The following NOTCH2 variants were observed in gnomAD, a reference collection of about 807,000 sequenced individuals.
NOTCH2 encodes notch receptor 2, also known as neurogenic locus notch homolog protein 2.
NOTCH2 carries 29 observed loss-of-function variants against 235.8 expected under a neutral mutation model. The ratio of observed to expected loss-of-function variants is 0.12; its 90% confidence interval spans 0.09 to 0.17. The LOEUF (loss-of-function observed/expected upper bound fraction) is 0.17, where lower values mean the gene tolerates loss of function less well. Ranked by LOEUF, NOTCH2 falls within the 10% of genes least tolerant of loss-of-function variation. The pLI is 1.00. For synonymous variants in NOTCH2, 1,086 were observed against 1,141.5 expected (o/e 0.95, Z 0.98); for missense variants, 2,285 against 3,150.2 (o/e 0.73, Z 6.57).
In NOTCH2 at chr1:119,959,500, C is replaced by A. The variant is rs782463006; in HGVS notation, c.1918G>T (p.Val640Phe). The A allele has an allele frequency of 6.4e-6, 10 of 1,554,208 alleles. No individual in the cohort carries two copies. Among genetic ancestry groups the A allele is most frequent in the Admixed American group, 1.7e-5 (1 of 59,922 alleles). The change falls in exon 12 of 34, where the codon GTT becomes TTT. Residue 640 changes from valine (V) to phenylalanine (F), a missense_variant and splice_region_variant. Val to Phe is a conservative substitution (Grantham distance 50). Coordinates refer to ENST00000256646, the MANE Select transcript of NOTCH2 (RefSeq NM_024408.4). ...QCNCQPGTSG[V>F]NCEINFDDCA... ...TCATCAAAATTAATTTCACAATTAACCCCTGGAAGAGAAAACCCAACGGAA... is the reference window on the plus strand; with the variant it reads ...TCATCAAAATTAATTTCACAATTAAACCCTGGAAGAGAAAACCCAACGGAA...
chr1:119,919,005 C>T (rs181364069), intron 31 of NOTCH2, among the ~76,000 whole-genome samples: 71 of 152,262 alleles, frequency 4.7e-4, no homozygotes, highest in African/African-American at 1.6e-3. Context: ...TCAAAGGCTC[C>T]GGACCAGCTA....
intron 6 of NOTCH2, 39 bp from the exon 7 acceptor site, chr1:119,968,271 GTC>G (rs1557826192): frequency 1.9e-6 from 3 of 1,604,332 alleles, no homozygotes; most frequent in Non-Finnish European, 2.6e-6. Context: ...AAGAGAAAAT[GTC>G]TCTCACTTGG....
At chr1:120,060,472 A>AT (rs1655275974) in intron 1 of NOTCH2, among the ~76,000 whole-genome samples, 3,760 of 144,148 alleles carry the variant, frequency 0.026, 33 homozygotes, top group African/African-American at 0.091. Context: ...TATATATATA[A>AT]AAATAAATCA....
In NOTCH2 at chr1:119,912,341, T is replaced by C. The variant is rs1571142846; in HGVS notation, c.*2965A>G. ...TCCCAAATAGTCATCATACATTCAATGTATTGGTTAGGGCCAAAATCCCTA... is the reference window on the plus strand; with the variant it reads ...TCCCAAATAGTCATCATACATTCAACGTATTGGTTAGGGCCAAAATCCCTA... On this transcript the variant is annotated 3_prime_UTR_variant, in exon 34 of 34. Coordinates refer to ENST00000256646, the MANE Select transcript of NOTCH2 (RefSeq NM_024408.4). The C allele has an allele frequency of 1.7e-5, 4 of 233,338 alleles. No individual in the cohort carries two copies. In the East Asian group the frequency reaches 2.4e-4, roughly 14 times the overall value. The allele number at this position is 233,338 out of a possible 1,614,324, so 14.5% of individuals were successfully genotyped here.
chr1:119,926,105 G>T (rs1319019720), intron 24 of NOTCH2, among the ~76,000 whole-genome samples: 1 of 152,194 alleles, frequency 6.6e-6, no homozygotes, highest in Non-Finnish European at 1.5e-5. Context: ...GCTAAAGAAT[G>T]TAAGAGCAGC....
chr1:119,918,205 A>G (rs1401991253), intron 32 of NOTCH2, among the ~76,000 whole-genome samples: 1 of 152,146 alleles, frequency 6.6e-6, no homozygotes, highest in Non-Finnish European at 1.5e-5. Flanking sequence ...CCTCATTAAA[A>G]ATCCCTCATT....
At chr1:119,959,720 C>T (rs587732762) in intron 11 of NOTCH2, among the ~76,000 whole-genome samples, 1 of 152,302 alleles carries the variant, frequency 6.6e-6, no homozygotes, top group East Asian at 1.9e-4. Context: ...ATGATCTTTC[C>T]TTTTCACTGT....
Position 119,968,074 on chromosome 1 carries a change from C to T in NOTCH2, c.1264+3G>A, listed in dbSNP as rs782341192. ...CAGAACAGAAAAAGTTCTGCTTACT[C>T]ACCCATGGCACATTCATCCACATCT... On this transcript the variant is annotated splice_donor_region_variant and intron_variant, in intron 7 of 33. Coordinates refer to ENST00000256646, the MANE Select transcript of NOTCH2 (RefSeq NM_024408.4). 2.5e-6 allele frequency: 4 copies of T among 1,614,046 alleles called. No homozygotes were observed. In the Admixed American group the frequency reaches 5.0e-5, roughly 20 times the overall value.
intron 26 of NOTCH2, 23 bp from the exon 27 acceptor site, chr1:119,922,801 CG>C (rs1557805258): frequency 6.2e-7 from 1 of 1,613,730 alleles, no homozygotes; most frequent in South Asian, 1.1e-5. Flanking sequence ...AAGGGAGAAG[CG>C]GAGGAGGAGA....
Position 119,969,725 on chromosome 1 carries a change from A to G in NOTCH2, c.894T>C (p.Asp298=). Residue 298 remains aspartate, a synonymous_variant, in exon 6 of 34, where the codon GAT becomes GAC. Transcript: ENST00000256646. ...PQWTGQFCTE[D]VDECLLQPNA... ...TGGGCTGCAGCAGGCATTCATCCAC[A>G]TCCTCTGTGCAGAACTGTCCTTTTA... The G allele has an allele frequency of 6.2e-7, 1 of 1,614,042 alleles. No homozygotes were observed. The highest frequency in any genetic ancestry group is 1.1e-5 in the South Asian group (1 of 91,082).
At chr1:119,928,908 A>C in intron 23 of NOTCH2, 68 bp downstream of exon 23, 895 of 1,123,740 alleles carry the variant, frequency 8.0e-4, no homozygotes, top group Non-Finnish European at 1.1e-3. Flanking sequence ...GACAACTCAC[A>C]GGGCCCAATT....
chr1:120,024,917 G>C (rs1461151472), intron 2 of NOTCH2, among the ~76,000 whole-genome samples: 2 of 150,090 alleles, frequency 1.3e-5, no homozygotes, highest in Admixed American at 1.3e-4. Flanking sequence ...AGGCACTGGA[G>C]AATCACTGAA....
chr1:119,964,518 G>A (rs1256827230), intron 10 of NOTCH2, among the ~76,000 whole-genome samples: 1 of 152,136 alleles, frequency 6.6e-6, no homozygotes, highest in African/African-American at 2.4e-5. Flanking sequence ...TGGATTCTCT[G>A]ACAAGCATTA....
At position 119,981,719 on chromosome 1, in the gene NOTCH2, G is replaced by A. The variant is rs368177724; in HGVS notation, c.874+5241C>T. 5.3e-5 allele frequency among the ~76,000 whole-genome samples: 8 copies of A among 152,118 alleles called. No homozygotes were observed. In the East Asian group the frequency reaches 1.3e-3, roughly 26 times the overall value. On this transcript the variant is annotated intron_variant, in intron 5 of 33. Coordinates refer to ENST00000256646, the MANE Select transcript of NOTCH2 (RefSeq NM_024408.4). ...CAAGGGTGCTTCAGGTTAGCACTGT[G>A]GCAGTCTGCCCAACTGATAGGAAAC...
At chr1:119,942,045 G>C (rs1430361685) in intron 17 of NOTCH2, among the ~76,000 whole-genome samples, 1 of 152,208 alleles carries the variant, frequency 6.6e-6, no homozygotes, top group Non-Finnish European at 1.5e-5. Flanking sequence ...AATCAAATAT[G>C]TGCCCCAATA....
chr1:119,966,137 C>A (rs1362768231), intron 9 of NOTCH2, among the ~76,000 whole-genome samples: 1 of 152,182 alleles, frequency 6.6e-6, no homozygotes, highest in Non-Finnish European at 1.5e-5. Context: ...AATATATACA[C>A]AGACGAAGAG....
At chr1:119,940,182 C>T (rs968328388) in intron 19 of NOTCH2, among the ~76,000 whole-genome samples, 1 of 152,304 alleles carries the variant, frequency 6.6e-6, no homozygotes, top group African/African-American at 2.4e-5. Context: ...TTATTAAACA[C>T]TTAGATGTTG....
chr1:119,936,641 A>C (rs1649860112), intron 21 of NOTCH2, among the ~76,000 whole-genome samples: 1 of 152,196 alleles, frequency 6.6e-6, no homozygotes, highest in African/African-American at 2.4e-5. Flanking sequence ...TGGCTCATTT[A>C]TATAACAATA....
intron 5 of NOTCH2, among the ~76,000 whole-genome samples, chr1:119,975,699 G>C (rs923002880): frequency 2.7e-4 from 41 of 151,690 alleles, no homozygotes; most frequent in Non-Finnish European, 4.7e-4. Flanking sequence ...AAATATAACA[G>C]GGTGAACCTA....
Sources: allele counts gnomAD v4.1 joint callset (sites outside exome capture counted in the v4.1 genomes callset), GRCh38; gene constraint gnomAD v4.1.1; transcripts MANE v1.5; gene names NCBI Gene and HGNC (gene_info 2026-07-23, HGNC 2026-07-21).